Variants in OR13A1 observed in about 807,000 individuals in gnomAD.
OR13A1 encodes the protein olfactory receptor 13A1.
In OR13A1, 10 loss-of-function variants were observed where a neutral mutation model predicts 7.5. The ratio of observed to expected loss-of-function variants is 1.34; its 90% confidence interval spans 0.83 to 2.27. OR13A1 has a LOEUF of 2.27. Among genes scored for constraint, OR13A1 ranks in the 30% most tolerant of loss-of-function variants. The pLI is 0.00. For synonymous variants in OR13A1, 238 were observed against 177.9 expected, an observed-to-expected ratio of 1.34 and a Z score of -2.69; for missense variants, 509 against 419.1, an observed-to-expected ratio of 1.21 and a Z score of -1.87.
Position 45,304,340 on chromosome 10 carries a change from G to A in OR13A1, c.83C>T (p.Thr28Ile), listed in dbSNP as rs1480657367. ...PRMMSNQTLV[T>I]EFILQGFSEH... ...CGAAAAGCCCTGCAGGATGAACTCG[G>A]TTACCAACGTCTGGTTACTCATCAT... The change falls in exon 4 of 4, where the codon ACC becomes ATC. Residue 28 changes from threonine (T) to isoleucine (I), a missense_variant. Transcript: ENST00000553795. 4 of 1,614,044 alleles carry A rather than the reference G, an allele frequency of 2.5e-6. No individual in the cohort carries two copies. The highest frequency in any genetic ancestry group is 3.4e-6 in the Non-Finnish European group (4 of 1,180,030).
chr10:45,304,357 A>C lies in OR13A1; in HGVS notation c.66T>G (p.Ser22Arg), dbSNP rs1272328401. ...TGAACTCGGTTACCAACGTCTGGTT[A>C]CTCATCATCCTTGGGCTGGGACGGG... ...PETRPSPRMMSNQTLVTEFIL... is the reference protein window; with the variant it reads ...PETRPSPRMMRNQTLVTEFIL... The change falls in exon 4 of 4, where the codon AGT (serine) becomes AGG (arginine). Residue 22 changes from serine to arginine, a missense_variant. Physicochemically the swap from Ser to Arg is moderately radical, Grantham distance 110. Coordinates refer to ENST00000553795, the MANE Select transcript of OR13A1 (RefSeq NM_001004297.3). The C allele has an allele frequency of 6.2e-6, 10 of 1,614,044 alleles. No individual in the cohort carries two copies. The highest frequency in any genetic ancestry group is 8.5e-6 in the Non-Finnish European group (10 of 1,179,974).
chr10:45,306,223 G>C (rs1838326746), intron 3 of OR13A1, among the ~76,000 whole-genome samples: 1 of 152,184 alleles, frequency 6.6e-6, no homozygotes, highest in Non-Finnish European at 1.5e-5. Flanking sequence ...GGGAGGCCGT[G>C]GAGGGTGGAT....
rs17157673 is a variant in OR13A1, at chr10:45,303,267, G to A, written c.*169C>T. 5,498 of 702,616 alleles carry A rather than the reference G, an allele frequency of 7.8e-3. 207 individuals are homozygous for A. The African/African-American group carries it at 0.082, about 10-fold the overall frequency. The allele number at this position is 702,616 out of a possible 1,614,324, so 43.5% of individuals were successfully genotyped here. ...CAGAGGCTGGTGGGTCACACCTACCGCAATCCCCCCATCACCAAGTCTCAG... is the reference window on the plus strand; with the variant it reads ...CAGAGGCTGGTGGGTCACACCTACCACAATCCCCCCATCACCAAGTCTCAG... On this transcript the variant is annotated 3_prime_UTR_variant, in exon 4 of 4. Coordinates refer to ENST00000553795, the MANE Select transcript of OR13A1 (RefSeq NM_001004297.3).
At position 45,307,777 on chromosome 10, in the gene OR13A1, C is replaced by T. The variant is rs1838364360; in HGVS notation, c.-193G>A. On this transcript the variant is annotated 5_prime_UTR_variant, in exon 2 of 4. The change creates a premature stop within an existing upstream ORF in the 5' untranslated region. Coordinates refer to ENST00000553795, the MANE Select transcript of OR13A1 (RefSeq NM_001004297.3). ...GGATATTCGAACAGCGGTTATTTTC[C>T]ACATTTATCAAACCCTTGGGCACTC... The T allele has an allele frequency of 6.6e-6, 1 of 152,150 alleles. No homozygotes were observed. The highest frequency in any genetic ancestry group is 6.5e-5 in the Admixed American group (1 of 15,284). 9.4% of individuals were successfully genotyped at this position (152,150 alleles called of 1,614,324 possible). A position where few individuals can be genotyped will look rare whatever the true frequency, so the allele number is the denominator to read the frequency against.
intron 1 of OR13A1, among the ~76,000 whole-genome samples, chr10:45,311,941 C>T (rs185683264): frequency 6.6e-6 from 1 of 152,094 alleles, no homozygotes; most frequent in African/African-American, 2.4e-5. Flanking sequence ...AAAAGATGAA[C>T]AATTTCTAGA....
intron 1 of OR13A1, among the ~76,000 whole-genome samples, chr10:45,310,791 C>T (rs187817571): frequency 1.6e-4 from 24 of 151,036 alleles, no homozygotes; most frequent in Admixed American, 2.0e-4. Flanking sequence ...AGAAAGAGGG[C>T]GGAAGTGAAA....
chr10:45,310,660 G>C (rs971875840), intron 1 of OR13A1, among the ~76,000 whole-genome samples: 1 of 152,128 alleles, frequency 6.6e-6, no homozygotes, highest in Non-Finnish European at 1.5e-5. Flanking sequence ...CCACAAATAT[G>C]CAAGAGAACT....
chr10:45,306,309 C>A (rs1235502611), intron 3 of OR13A1, among the ~76,000 whole-genome samples: 2 of 151,876 alleles, frequency 1.3e-5, no homozygotes, highest in Admixed American at 6.6e-5. Flanking sequence ...AAAAATTAGC[C>A]GGGCGTGGTG....
intron 1 of OR13A1, chr10:45,308,986 G>A (rs1021622909): frequency 2.0e-5 from 3 of 152,192 alleles, no homozygotes; most frequent in Non-Finnish European, 2.9e-5. Flanking sequence ...ACTCTAAGTG[G>A]ACCCTGAAGG....
At position 45,304,140 on chromosome 10, in the gene OR13A1, T is replaced by C. The variant is rs115100977; in HGVS notation, c.283A>G (p.Ile95Val). ...AGACTGGCCAGCGCCTTGGGCATGA[T>C]GGAAGAGGTGCAGATAATGTCCATA... Reference protein sequence around the residue: ...ATMDIICTSSIMPKALASLVS... With the variant: ...ATMDIICTSSVMPKALASLVS... The change falls in exon 4 of 4, where the codon ATC (isoleucine) becomes GTC (valine). Residue 95 changes from isoleucine to valine, a missense_variant. Coordinates refer to ENST00000553795, the MANE Select transcript of OR13A1 (RefSeq NM_001004297.3). The C allele has an allele frequency of 1.2e-6, 2 of 1,614,138 alleles. No homozygotes were observed. Among genetic ancestry groups the C allele is most frequent in the African/African-American group, 2.7e-5 (2 of 75,038 alleles).
chr10:45,313,501 T>C (rs1838477216), intron 1 of OR13A1, among the ~76,000 whole-genome samples: 1 of 151,990 alleles, frequency 6.6e-6, no homozygotes, highest in Non-Finnish European at 1.5e-5. Flanking sequence ...GAAAATGGAT[T>C]TGTAAAAAGG....
chr10:45,305,440 C>A (rs900607779), intron 3 of OR13A1, among the ~76,000 whole-genome samples: 1 of 152,122 alleles, frequency 6.6e-6, no homozygotes, highest in Non-Finnish European at 1.5e-5. Flanking sequence ...GAGTGCTAGA[C>A]CAGAGCTTGA....
At chr10:45,304,777 C>T (rs543370734) in intron 3 of OR13A1, among the ~76,000 whole-genome samples, 53 of 152,168 alleles carry the variant, frequency 3.5e-4, no homozygotes, top group African/African-American at 1.2e-3. Flanking sequence ...CCATTTGAGC[C>T]GGAACTTCCT....
At chr10:45,314,246 A>G (rs1838489392) in intron 1 of OR13A1, among the ~76,000 whole-genome samples, 1 of 152,164 alleles carries the variant, frequency 6.6e-6, no homozygotes, top group South Asian at 2.1e-4. Flanking sequence ...AATGTGTAAG[A>G]TGCAGCAGAA....
At position 45,303,414 on chromosome 10, in the gene OR13A1, C is replaced by A; in HGVS notation, c.*22G>T. On this transcript the variant is annotated 3_prime_UTR_variant, in exon 4 of 4. Coordinates refer to ENST00000553795, the MANE Select transcript of OR13A1 (RefSeq NM_001004297.3). ...CCACTAAAACTGCAGTCTCCAAGGACAAAAACTTCAGAAGACACAAGTTAA... is the reference window on the plus strand; with the variant it reads ...CCACTAAAACTGCAGTCTCCAAGGAAAAAAACTTCAGAAGACACAAGTTAA... 1.3e-6 allele frequency: 2 copies of A among 1,566,152 alleles called. No individual in the cohort carries two copies. The highest frequency in any genetic ancestry group is 1.7e-6 in the Non-Finnish European group (2 of 1,155,740).
intron 1 of OR13A1, chr10:45,308,634 A>G (rs1588943816): frequency 6.6e-6 from 1 of 152,242 alleles, no homozygotes; most frequent in Non-Finnish European, 1.5e-5. Context: ...CAAATTAAGC[A>G]GACAGAGTTA....
intron 1 of OR13A1, among the ~76,000 whole-genome samples, chr10:45,314,844 T>G (rs75374371): frequency 0.098 from 14,903 of 152,150 alleles, 2,452 homozygotes; most frequent in African/African-American, 0.34. Flanking sequence ...ATATACAACC[T>G]AATAAGAGTG....
In OR13A1 at chr10:45,303,127, T is replaced by C. The variant is rs1026804189; in HGVS notation, c.*309A>G. 7.0e-6 allele frequency: 2 copies of C among 286,734 alleles called. No individual in the cohort carries two copies. The highest frequency in any genetic ancestry group is 1.3e-5 in the Non-Finnish European group (2 of 154,270). 17.8% of individuals were successfully genotyped at this position (286,734 alleles called of 1,614,324 possible). A position where few individuals can be genotyped will look rare whatever the true frequency, so the allele number is the denominator to read the frequency against. ...GTTGTACATACAAAAGGAAAATGTT[T>C]GATGTGGCTATGAGTTGAAAACACA... On this transcript the variant is annotated 3_prime_UTR_variant, in exon 4 of 4. Coordinates refer to ENST00000553795, the MANE Select transcript of OR13A1 (RefSeq NM_001004297.3).
chr10:45,304,620 C>G (rs546019297), intron 3 of OR13A1, 186 bp from the exon 4 acceptor site: 1 of 570,872 alleles, frequency 1.8e-6, no homozygotes, highest in South Asian at 2.5e-5. Context: ...GCCAGTTAAA[C>G]TCATGAAGCA....
Sources: gnomAD v4.1 joint callset for allele counts (sites outside exome capture counted in the v4.1 genomes callset) on GRCh38, gnomAD v4.1.1 for gene constraint, MANE v1.5 for transcripts, NCBI Gene and HGNC (gene_info 2026-07-23, HGNC 2026-07-21) for gene names.